The following OR3A2 variants were observed in gnomAD, a reference collection of about 807,000 sequenced individuals.
OR3A2 encodes the protein olfactory receptor family 3 subfamily A member 2, also known as olfactory receptor 3A2.
For synonymous variants in OR3A2, 126 were observed against 159.3 expected, an observed-to-expected ratio of 0.79 and a Z score of 1.57; for missense variants, 318 against 392.8, an observed-to-expected ratio of 0.81 and a Z score of 1.61.
At chr17:3,375,483 G>A (rs2049675810) in intron 2 of OR3A2, among the ~76,000 whole-genome samples, 1 of 151,404 alleles carries the variant, frequency 6.6e-6, no homozygotes, top group South Asian at 2.1e-4. Flanking sequence ...TGTATTTTTA[G>A]TAGAGATGGG....
At chr17:3,365,573 C>G (rs907884497) in intron 2 of OR3A2, among the ~76,000 whole-genome samples, 2 of 152,172 alleles carry the variant, frequency 1.3e-5, no homozygotes, top group Admixed American at 1.3e-4. Context: ...GCCATGTGCT[C>G]ATATGGTCAC....
chr17:3,363,335 TAAATG>T (rs2049534772), intron 2 of OR3A2, among the ~76,000 whole-genome samples: 1 of 151,868 alleles, frequency 6.6e-6, no homozygotes, highest in Non-Finnish European at 1.5e-5. Flanking sequence ...CCAGATACTC[TAAATG>T]ATCTGTCTCA....
chr17:3,278,038 T>C, exon 2 of OR3A2: 2 of 1,611,262 alleles, frequency 1.2e-6, no homozygotes, highest in South Asian at 2.2e-5. Flanking sequence ...TTTCTGAGGC[T>C]GTAGATAAGA....
chr17:3,334,101 A>C (rs747875547), intron 3 of OR3A2, among the ~76,000 whole-genome samples: 17 of 152,210 alleles, frequency 1.1e-4, no homozygotes, highest in Non-Finnish European at 2.1e-4. Flanking sequence ...AAAGTCAAGA[A>C]ACAACAGATG....
At position 3,352,564 on chromosome 17, in the gene OR3A2, G is replaced by A. The variant is rs1424551789; in HGVS notation, c.-178-16438C>T. 2.0e-5 allele frequency among the ~76,000 whole-genome samples: 3 copies of A among 151,050 alleles called. No homozygotes were observed. In the East Asian group the frequency reaches 5.9e-4, roughly 30 times the overall value. ...TTTGTCAAAAATGAGTTCACTGTAG[G>A]AGTGTTTGTTTCTGAGTTCTCTATT... is the stretch of plus-strand genomic sequence containing the variant. On this transcript the variant is annotated intron_variant, in intron 2 of 4. Transcript: ENST00000573491.
chr17:3,321,890 C>A (rs939714652), intron 3 of OR3A2, among the ~76,000 whole-genome samples: 6 of 152,104 alleles, frequency 3.9e-5, no homozygotes, highest in Non-Finnish European at 5.9e-5. Flanking sequence ...TGATGCTGGC[C>A]TCATCAAATG....
intron 3 of OR3A2, among the ~76,000 whole-genome samples, chr17:3,325,243 C>G (rs2049161846): frequency 7.4e-6 from 1 of 134,372 alleles, no homozygotes; most frequent in South Asian, 2.3e-4. Context: ...GGGTCTCGCT[C>G]TGTCGCCCAG....
intron 3 of OR3A2, among the ~76,000 whole-genome samples, chr17:3,308,854 T>G (rs7223554): frequency 0.17 from 25,223 of 152,012 alleles, 2,979 homozygotes; most frequent in African/African-American, 0.33. Context: ...AGCCTCCATG[T>G]GAGAGACTTA....
intron 2 of OR3A2, among the ~76,000 whole-genome samples, chr17:3,373,360 T>C (rs939645502): frequency 1.3e-5 from 2 of 152,226 alleles, no homozygotes; most frequent in Non-Finnish European, 1.5e-5. Context: ...TTGACTGTCT[T>C]GATGACCTGT....
rs373417037 is a variant in OR3A2, at chr17:3,341,839, GATA to G, written c.-178-5716_-178-5714del. 4.0e-4 allele frequency among the ~76,000 whole-genome samples: 61 copies of G among 152,254 alleles called. No individual in the cohort carries two copies. In the South Asian group the frequency reaches 0.012, roughly 31 times the overall value. On this transcript the variant is annotated intron_variant, in intron 2 of 4. Coordinates refer to the OR3A2 transcript ENST00000573491. ...TTGCTAGGTTGGGGAAGTTCTCCTG[GATA>G]ATATCTTGAAGAGTGTTTTCCAGCT...
At chr17:3,277,099 T>C (rs944745021), downstream of OR3A2, 20 of 152,040 alleles carry the variant, frequency 1.3e-4, no homozygotes, top group African/African-American at 4.6e-4. Flanking sequence ...ATTTTGTTTT[T>C]GTATTTATAG....
At chr17:3,353,763 C>T (rs1413179698) in intron 2 of OR3A2, among the ~76,000 whole-genome samples, 1 of 151,752 alleles carries the variant, frequency 6.6e-6, no homozygotes, top group African/African-American at 2.4e-5. Context: ...GAAATAAGCA[C>T]ATCATGGAAA....
At chr17:3,293,689 A>C (rs761480830) in intron 3 of OR3A2, among the ~76,000 whole-genome samples, 4 of 152,238 alleles carry the variant, frequency 2.6e-5, no homozygotes, top group Non-Finnish European at 4.4e-5. Flanking sequence ...TTACCTGGCA[A>C]AGACATGGAA....
chr17:3,292,340 A>G (rs2048882414), intron 3 of OR3A2: 3 of 1,614,008 alleles, frequency 1.9e-6, no homozygotes, highest in African/African-American at 2.7e-5. Flanking sequence ...ACATTGATGG[A>G]ACAGTGACGC....
intron 3 of OR3A2, among the ~76,000 whole-genome samples, chr17:3,303,823 C>T (rs231686): frequency 0.46 from 67,704 of 147,164 alleles, 16,948 homozygotes; most frequent in East Asian, 0.95. Flanking sequence ...ACCTGGGAGG[C>T]GGAGGTTGCA....
At chr17:3,358,643 T>C (rs953007201) in intron 2 of OR3A2, among the ~76,000 whole-genome samples, 1 of 151,758 alleles carries the variant, frequency 6.6e-6, no homozygotes, top group Non-Finnish European at 1.5e-5. Flanking sequence ...TCTGAGAGTA[T>C]GTTTGGTATG....
chr17:3,278,315 C>T (rs1472208090), exon 2 of OR3A2: 1 of 1,614,070 alleles, frequency 6.2e-7, no homozygotes, highest in African/African-American at 1.3e-5. Context: ...CAGCAAAGAG[C>T]AGCAGCTCAT....
chr17:3,349,726 T>C (rs544135733), intron 2 of OR3A2, among the ~76,000 whole-genome samples: 25 of 150,866 alleles, frequency 1.7e-4, no homozygotes, highest in African/African-American at 6.1e-4. Context: ...CAACAGAATA[T>C]ACATTTTTTT....
intron 2 of OR3A2, among the ~76,000 whole-genome samples, chr17:3,356,255 G>C (rs2049465076): frequency 6.6e-6 from 1 of 151,356 alleles, no homozygotes; most frequent in South Asian, 2.1e-4. Flanking sequence ...CTTTCTATTT[G>C]AGTAGTTTAC....
Sources: gnomAD v4.1 joint callset for allele counts (sites outside exome capture counted in the v4.1 genomes callset) on GRCh38, gnomAD v4.1.1 for gene constraint, MANE v1.5 for transcripts, NCBI Gene and HGNC (gene_info 2026-07-23, HGNC 2026-07-21) for gene names.